MUC12: variants seen among roughly 807,000 people sequenced by gnomAD.
MUC12 encodes mucin-12.
A neutral mutation model predicts 230.8 loss-of-function variants in MUC12; 172 were observed. The ratio of observed to expected loss-of-function variants is 0.75; its 90% confidence interval spans 0.66 to 0.85. The LOEUF (loss-of-function observed/expected upper bound fraction) is 0.85. Ranked by LOEUF, MUC12 falls within the 40% of genes least tolerant of loss-of-function variation. The pLI, the probability that MUC12 is intolerant of heterozygous loss-of-function variation, is 0.00. For missense variants in MUC12, 3,506 were observed against 5,920.6 expected (o/e 0.59, Z 13.38); for synonymous variants, 1,259 against 2,401.9 (o/e 0.52, Z 13.91).
intron 1 of MUC12, among the ~76,000 whole-genome samples, chr7:100,976,550 G>A (rs1279404152): frequency 6.6e-6 from 1 of 151,890 alleles, no homozygotes; most frequent in Non-Finnish European, 1.5e-5. Flanking sequence ...ATTGCAGTGA[G>A]CTGAGATAGT....
chr7:100,977,678 T>TA (rs938387650), intron 1 of MUC12, among the ~76,000 whole-genome samples: 3 of 150,784 alleles, frequency 2.0e-5, no homozygotes, highest in African/African-American at 7.3e-5. Context: ...TCTTCCTTTT[T>TA]AAAAAAATGT....
chr7:101,015,551 A>G, intron 9 of MUC12, 64 bp from the exon 10 acceptor site: 2 of 1,404,990 alleles, frequency 1.4e-6, no homozygotes, highest in Non-Finnish European at 1.9e-6. Flanking sequence ...GCTGAAGGTC[A>G]GGGTCCACCA....
chr7:101,018,710 CG>C lies in MUC12; in HGVS notation c.*78del. 2.1e-6 allele frequency: 3 copies of C among 1,452,756 alleles called. No individual in the cohort carries two copies. In the South Asian group the frequency reaches 3.9e-5, roughly 19 times the overall value. 90.0% of individuals were successfully genotyped at this position (1,452,756 alleles called of 1,614,324 possible). On this transcript the variant is annotated 3_prime_UTR_variant, in exon 12 of 12. Coordinates refer to ENST00000536621, the MANE Select transcript of MUC12 (RefSeq NM_001164462.2). ...AAACACAGAGCCCACCACAAGCCTCCGGGGCGGGTCAAGAGGAGACCGAAGT... is the reference window on the plus strand; with the variant it reads ...AAACACAGAGCCCACCACAAGCCTCCGGGCGGGTCAAGAGGAGACCGAAGT...
chr7:100,978,631 G>A (rs1431989133), intron 1 of MUC12, among the ~76,000 whole-genome samples: 1 of 151,974 alleles, frequency 6.6e-6, no homozygotes, highest in African/African-American at 2.4e-5. Flanking sequence ...CTGCCACTGG[G>A]GACTTCATTG....
chr7:100,971,424 G>A (rs1311353648), intron 1 of MUC12, among the ~76,000 whole-genome samples: 2 of 151,512 alleles, frequency 1.3e-5, no homozygotes, highest in Non-Finnish European at 2.9e-5. Flanking sequence ...CAGGGGAGCT[G>A]GGGTGGGGGT....
chr7:100,989,766 C>T lies in MUC12; in HGVS notation c.68-865C>T, dbSNP rs149165803. On this transcript the variant is annotated intron_variant, in intron 1 of 11. Coordinates refer to ENST00000536621, the MANE Select transcript of MUC12 (RefSeq NM_001164462.2). Reference sequence around the variant, plus strand: ...AGTGCAGTGTCATGATCTCAGCTCACTGCAACCTCCACCTCCTGGGTTCAA... The same window carrying T: ...AGTGCAGTGTCATGATCTCAGCTCATTGCAACCTCCACCTCCTGGGTTCAA... Among the ~76,000 whole-genome samples the T allele has an allele frequency of 1.5e-3, 235 of 152,054 alleles. 2 individuals are homozygous for T. Among genetic ancestry groups the T allele is most frequent in the African/African-American group, 5.2e-3 (217 of 41,474 alleles).
At chr7:100,974,755 G>T (rs1039284124) in intron 1 of MUC12, among the ~76,000 whole-genome samples, 6 of 152,296 alleles carry the variant, frequency 3.9e-5, no homozygotes, top group African/African-American at 1.4e-4. Flanking sequence ...AGCCCAGGAG[G>T]TCGAGACTGC....
In MUC12 at chr7:100,992,295, A is replaced by G. The variant is rs1192644689; in HGVS notation, c.1732A>G (p.Thr578Ala). The change falls in exon 2 of 12, where the codon ACT becomes GCT. Residue 578 changes from threonine (T) to alanine (A), a missense_variant. Thr to Ala is a moderately conservative substitution (Grantham distance 58, BLOSUM62 0). Coordinates refer to ENST00000536621, the MANE Select transcript of MUC12 (RefSeq NM_001164462.2). ...TTASSLGPEY[T>A]TFHSRPGSTE... ...AGCATCATCCCTTGGTCCAGAATATACTACCTTCCACAGCCGCCCAGGCTC... is the reference window on the plus strand; with the variant it reads ...AGCATCATCCCTTGGTCCAGAATATGCTACCTTCCACAGCCGCCCAGGCTC... 1.3e-6 allele frequency: 2 copies of G among 1,536,836 alleles called. No individual in the cohort carries two copies. The highest frequency in any genetic ancestry group is 1.7e-4 in the Middle Eastern group (1 of 5,988).
In MUC12 at chr7:101,004,691, G is replaced by A. The variant is rs770347495; in HGVS notation, c.14128G>A (p.Glu4710Lys). The change falls in exon 2 of 12, where the codon GAA becomes AAA. Residue 4710 changes from glutamate (E) to lysine (K), a missense_variant. By Grantham distance (56) the Glu-to-Lys change is moderately conservative. Transcript: ENST00000536621. ...AHFTTSGRIA[E>K]STTFYISPGS... ...TTTTACTACCTCAGGCCGCATTGCA[G>A]AATCTACCACCTTCTATATCTCTCC... is the stretch of plus-strand genomic sequence containing the variant. The A allele has an allele frequency of 1.3e-6, 2 of 1,537,856 alleles. No homozygotes were observed. Among genetic ancestry groups the A allele is most frequent in the African/African-American group, 1.4e-5 (1 of 73,136 alleles).
In MUC12 at chr7:100,992,255, C is replaced by A; in HGVS notation, c.1692C>A (p.Ser564=). 1.3e-6 allele frequency: 2 copies of A among 1,537,696 alleles called. No homozygotes were observed. Among genetic ancestry groups the A allele is most frequent in the Admixed American group, 2.0e-5 (1 of 50,994 alleles). ...SSPGPTDTTL[S]PGSTTASSLG... is the part of the protein sequence containing the mutation. ...CAGGCCCCACAGACACAACATTGTC[C>A]CCTGGCAGTACCACAGCATCATCCC... is the stretch of plus-strand genomic sequence containing the variant. Residue 564 remains serine, a synonymous_variant, in exon 2 of 12, where the codon TCC becomes TCA. Transcript: ENST00000536621.
In MUC12 at chr7:101,005,349, T is replaced by G. The variant is rs1373674075; in HGVS notation, c.14786T>G (p.Leu4929Arg). ...PLPARSTASD[L>R]VGEPTTFYIS... Reference sequence around the variant, plus strand: ...CCTGCCCGCTCCACAGCCTCAGACCTTGTTGGAGAACCTACAACTTTCTAC... The same window carrying G: ...CCTGCCCGCTCCACAGCCTCAGACCGTGTTGGAGAACCTACAACTTTCTAC... Residue 4929 changes from leucine (L) to arginine (R), a missense_variant, in exon 2 of 12, where the codon CTT becomes CGT. Physicochemically the swap from Leu to Arg is moderately radical, Grantham distance 102 (BLOSUM62 -2). Coordinates refer to ENST00000536621, the MANE Select transcript of MUC12 (RefSeq NM_001164462.2). The G allele has an allele frequency of 6.5e-7, 1 of 1,537,946 alleles. No individual in the cohort carries two copies. Among genetic ancestry groups the G allele is most frequent in the Admixed American group, 2.0e-5 (1 of 51,004 alleles).
In MUC12 at chr7:101,003,632, C is replaced by G; in HGVS notation, c.13069C>G (p.His4357Asp). The stretch of plus-strand genomic sequence containing the variant: ...CTTTGTTGAGCTATCTACAACCTCC[C>G]ACGGCAGCCCGAGCTCAACTCCAAC... ...SAFVELSTTS[H>D]GSPSSTPTTH... The change falls in exon 2 of 12, where the codon CAC becomes GAC. Residue 4357 changes from histidine (H) to aspartate (D), a missense_variant. Transcript: ENST00000536621. The G allele has an allele frequency of 6.5e-7, 1 of 1,527,488 alleles. No individual in the cohort carries two copies. The highest frequency in any genetic ancestry group is 2.5e-5 in the East Asian group (1 of 40,800). The allele number at this position is 1,527,488 out of a possible 1,614,324, so 94.6% of individuals were successfully genotyped here. A position where few individuals can be genotyped will look rare whatever the true frequency, so the allele number is the denominator to read the frequency against.
At chr7:101,015,769 G>T in intron 10 of MUC12, 78 bp downstream of exon 10, 2 of 1,285,020 alleles carry the variant, frequency 1.6e-6, no homozygotes, top group South Asian at 2.6e-5. Flanking sequence ...GCCTGTGGGG[G>T]TGACGTGGGG....
rs757726753 is a variant in MUC12 at position 101,018,607 on chromosome 7, A to T, written c.15979A>T (p.Arg5327Trp). The change falls in exon 12 of 12, where the codon AGG becomes TGG. Residue 5327 changes from arginine (R) to tryptophan (W), a missense_variant. Transcript: ENST00000536621. ...VDSGTELHIQ[R>W]PEMVASTV is the part of the protein sequence containing the mutation. ...TCCCGTCCCCCAGCTCCACATCCAGAGGCCGGAGATGGTAGCATCCACTGT... is the reference window on the plus strand; with the variant it reads ...TCCCGTCCCCCAGCTCCACATCCAGTGGCCGGAGATGGTAGCATCCACTGT... 11 of 1,535,406 alleles carry T rather than the reference A, an allele frequency of 7.2e-6. No homozygotes were observed. Among genetic ancestry groups the T allele is most frequent in the Admixed American group, 3.9e-5 (2 of 50,850 alleles).
chr7:101,015,754 C>G (rs967838491), intron 10 of MUC12, 63 bp downstream of exon 10: 2 of 1,426,008 alleles, frequency 1.4e-6, no homozygotes, highest in African/African-American at 1.4e-5. Context: ...CAGGGCGGTG[C>G]CTGTGCCTGT....
At chr7:100,977,101 C>G (rs1793044818) in intron 1 of MUC12, among the ~76,000 whole-genome samples, 1 of 148,424 alleles carries the variant, frequency 6.7e-6, no homozygotes, top group Non-Finnish European at 1.5e-5. Flanking sequence ...TCAATACCAC[C>G]CATTCATCAG....
intron 1 of MUC12, among the ~76,000 whole-genome samples, chr7:100,985,161 A>G (rs1793169554): frequency 6.6e-6 from 1 of 152,150 alleles, no homozygotes; most frequent in Admixed American, 6.5e-5. Flanking sequence ...CACCTGGCCA[A>G]GGGGAGCAGA....
In MUC12 at chr7:100,997,756, C is replaced by A; in HGVS notation, c.7193C>A (p.Thr2398Asn). 1 of 108,162 alleles carries A rather than the reference C, an allele frequency of 9.2e-6. No homozygotes were observed. 6.7% of individuals were successfully genotyped at this position (108,162 alleles called of 1,614,324 possible). A position where few individuals can be genotyped will look rare whatever the true frequency, so the allele number is the denominator to read the frequency against. The part of the protein sequence containing the change: ...RSPDATLSPA[T>N]TTSSGVSEES... ...CCAGATGCAACACTCTCACCTGCAACCACAACAAGCTCAGGCGTCAGTGAA... is the reference window on the plus strand; with the variant it reads ...CCAGATGCAACACTCTCACCTGCAAACACAACAAGCTCAGGCGTCAGTGAA... The change falls in exon 2 of 12, where the codon ACC (threonine) becomes AAC (asparagine). Residue 2398 changes from threonine to asparagine, a missense_variant. Transcript: ENST00000536621.
At position 101,004,589 on chromosome 7, in the gene MUC12, A is replaced by C; in HGVS notation, c.14026A>C (p.Thr4676Pro). Residue 4676 changes from threonine to proline, a missense_variant, in exon 2 of 12, where the codon ACC (threonine) becomes CCC (proline). By Grantham distance (38) the Thr-to-Pro change is conservative (BLOSUM62 -1). Transcript: ENST00000536621. The stretch of plus-strand genomic sequence containing the variant: ...AACACACTTTCCTGAGAGCTCCACA[A>C]CCTCCGGCCGTAGTGAGGAATCAAC... ...ATTHFPESST[T>P]SGRSEESTAS... The C allele has an allele frequency of 6.5e-7, 1 of 1,536,494 alleles. No homozygotes were observed. The highest frequency in any genetic ancestry group is 8.7e-7 in the Non-Finnish European group (1 of 1,146,146).
Sources: allele counts gnomAD v4.1 joint callset (sites outside exome capture counted in the v4.1 genomes callset), GRCh38; gene constraint gnomAD v4.1.1; transcripts MANE v1.5; gene names NCBI Gene and HGNC (gene_info 2026-07-23, HGNC 2026-07-21).